The following STAT3 variants were observed in gnomAD, a reference collection of about 807,000 sequenced individuals.
STAT3 encodes the protein signal transducer and activator of transcription 3, also known as DNA-binding protein APRF.
A neutral mutation model predicts 114.3 loss-of-function variants in STAT3; 7 were observed. The observed-to-expected ratio is 0.06, with a 90% CI of 0.03 to 0.11. STAT3 has a LOEUF of 0.11. Among genes scored for constraint, STAT3 ranks in the 10% least tolerant of loss-of-function variants. The pLI is 1.00. For synonymous variants in STAT3, 331 were observed against 354.5 expected (o/e 0.93, Z 0.74); for missense variants, 364 against 960.9 (o/e 0.38, Z 8.21).
chr17:42,325,972 T>G, intron 15 of STAT3, 144 bp downstream of exon 15: 1 of 795,636 alleles, frequency 1.3e-6, no homozygotes, highest in East Asian at 2.7e-5. Context: ...GCCAAGGATT[T>G]TTTTGGAGAA....
At position 42,388,431 on chromosome 17, in the gene STAT3, C is replaced by T. The variant is rs1359138367; in HGVS notation, c.-176G>A. On this transcript the variant is annotated 5_prime_UTR_variant, in exon 1 of 24. Transcript: ENST00000264657. ...CCAGGATCCGGTTGGGGCTTGTTCC[C>T]TCGGCTGCGACGTCGGAACCCCCGG... 1.6e-6 allele frequency: 2 copies of T among 1,231,774 alleles called. No homozygotes were observed. 76.3% of individuals were successfully genotyped at this position (1,231,774 alleles called of 1,614,324 possible).
chr17:42,338,701 G>A (rs895843270), intron 6 of STAT3, 30 bp downstream of exon 6: 3 of 1,584,362 alleles, frequency 1.9e-6, no homozygotes, highest in Non-Finnish European at 1.7e-6. Context: ...TCACTTTCTA[G>A]AGATTTTAAC....
intron 4 of STAT3, among the ~76,000 whole-genome samples, chr17:42,342,837 C>T (rs1000656489): frequency 3.3e-5 from 5 of 151,932 alleles, no homozygotes; most frequent in African/African-American, 9.7e-5. Context: ...TTGTCTTCCC[C>T]GACCCAATCA....
chr17:42,348,519 T>C lies in STAT3; in HGVS notation c.-3A>G, dbSNP rs779793392. 2.8e-5 allele frequency: 45 copies of C among 1,613,400 alleles called. No individual in the cohort carries two copies. The highest frequency in any genetic ancestry group is 3.6e-5 in the Non-Finnish European group (43 of 1,179,990). On this transcript the variant is annotated 5_prime_UTR_variant, in exon 2 of 24. Coordinates refer to ENST00000264657, the MANE Select transcript of STAT3 (RefSeq NM_139276.3). ...TGTAGCTGATTCCATTGGGCCATCC[T>C]GCTAAAATCAGGGGTCCCAACTGTA...
At chr17:42,366,826 T>A (rs890706061) in intron 1 of STAT3, among the ~76,000 whole-genome samples, 1 of 151,936 alleles carries the variant, frequency 6.6e-6, no homozygotes, top group Non-Finnish European at 1.5e-5. Context: ...CCTTCTATTC[T>A]CCACATTACA....
chr17:42,327,812 C>G (rs1483810729), intron 14 of STAT3, among the ~76,000 whole-genome samples: 1 of 152,126 alleles, frequency 6.6e-6, no homozygotes, highest in South Asian at 2.1e-4. Context: ...CTTTCGGAGG[C>G]CGAGATGGGT....
chr17:42,376,520 C>T (rs2084472853), intron 1 of STAT3, among the ~76,000 whole-genome samples: 1 of 144,280 alleles, frequency 6.9e-6, no homozygotes, highest in South Asian at 2.3e-4. Context: ...GCACTCCAGC[C>T]TGGCAACAGA....
Position 42,313,944 on chromosome 17 carries a change from A to G in STAT3, c.*1801T>C, listed in dbSNP as rs965868337. ...CAGAGACCAGCTAATTTGATTTAAC[A>G]AACAGAATTCCACAGAAACTCTGAT... is the stretch of plus-strand genomic sequence containing the variant. On this transcript the variant is annotated 3_prime_UTR_variant, in exon 24 of 24. Transcript: ENST00000264657. 4 of 231,788 alleles carry G rather than the reference A, an allele frequency of 1.7e-5. No individual in the cohort carries two copies. Among genetic ancestry groups the G allele is most frequent in the Non-Finnish European group, 3.4e-5 (4 of 116,990 alleles). The allele number at this position is 231,788 out of a possible 1,614,324, so 14.4% of individuals were successfully genotyped here.
At chr17:42,344,571 T>G (rs1405155809) in intron 4 of STAT3, among the ~76,000 whole-genome samples, 1 of 150,714 alleles carries the variant, frequency 6.6e-6, no homozygotes, top group Non-Finnish European at 1.5e-5. Context: ...TACAAAAAAT[T>G]AGCCAGGCTT....
At chr17:42,320,396 A>T (rs1329608869) in intron 21 of STAT3, among the ~76,000 whole-genome samples, 1 of 152,198 alleles carries the variant, frequency 6.6e-6, no homozygotes, top group Non-Finnish European at 1.5e-5. Context: ...TTTCAACAGC[A>T]ACTAGGGCAA....
At chr17:42,382,766 C>T (rs1431221525) in intron 1 of STAT3, among the ~76,000 whole-genome samples, 2 of 152,040 alleles carry the variant, frequency 1.3e-5, no homozygotes, top group Non-Finnish European at 2.9e-5. Flanking sequence ...CCTGCCTCAG[C>T]CTCCTGAGTA....
chr17:42,357,453 C>T (rs1416070710), intron 1 of STAT3, among the ~76,000 whole-genome samples: 1 of 152,004 alleles, frequency 6.6e-6, no homozygotes, highest in Non-Finnish European at 1.5e-5. Context: ...GGGTAGGTCA[C>T]CTGAGGTCAG....
intron 14 of STAT3, among the ~76,000 whole-genome samples, chr17:42,328,816 T>TTTTG (rs1402030153): frequency 6.6e-6 from 1 of 152,208 alleles, no homozygotes; most frequent in Non-Finnish European, 1.5e-5. Flanking sequence ...ATTTACCTTT[T>TTTTG]TTTGTTTGTT....
In STAT3 at chr17:42,346,617, C is replaced by A. The variant is rs146184566; in HGVS notation, c.225G>T (p.Ser75=). The A allele has an allele frequency of 1.9e-6, 3 of 1,613,972 alleles. No homozygotes were observed. Among genetic ancestry groups the A allele is most frequent in the Non-Finnish European group, 2.5e-6 (3 of 1,180,030 alleles). ...GTAGATTGTGCTGATAGAGAACATT[C>A]GACTCTTGCAGGAAGCGGCTATACT... ...DQQYSRFLQE[S]NVLYQHNLRR... The change falls in exon 3 of 24, where the codon TCG becomes TCT. Residue 75 remains serine, a synonymous_variant. Transcript: ENST00000264657.
At chr17:42,340,145 G>C (rs1200694149) in intron 4 of STAT3, among the ~76,000 whole-genome samples, 1 of 152,030 alleles carries the variant, frequency 6.6e-6, no homozygotes, top group Non-Finnish European at 1.5e-5. Flanking sequence ...ATTACCTGAG[G>C]TCAGGAGTTT....
At chr17:42,382,438 T>C (rs2084851338) in intron 1 of STAT3, among the ~76,000 whole-genome samples, 1 of 152,188 alleles carries the variant, frequency 6.6e-6, no homozygotes, top group African/African-American at 2.4e-5. Context: ...CAGATCTGTT[T>C]GACTTCAGAG....
intron 1 of STAT3, among the ~76,000 whole-genome samples, chr17:42,369,951 G>A (rs2084015542): frequency 6.6e-6 from 1 of 151,884 alleles, no homozygotes; most frequent in Non-Finnish European, 1.5e-5. Flanking sequence ...GTAAGTCACT[G>A]CACTTTGGCC....
chr17:42,352,190 T>C (rs2082999265), intron 1 of STAT3, among the ~76,000 whole-genome samples: 1 of 151,906 alleles, frequency 6.6e-6, no homozygotes, highest in Non-Finnish European at 1.5e-5. Context: ...AATACAAAAA[T>C]TAGCCGAGCA....
At chr17:42,386,900 C>G (rs554291737) in intron 1 of STAT3, 89 of 152,206 alleles carry the variant, frequency 5.8e-4, no homozygotes, top group African/African-American at 2.0e-3. Context: ...GGCTAGCACT[C>G]CTGTCTGGAA....
Sources: gnomAD v4.1 joint callset for allele counts (sites outside exome capture counted in the v4.1 genomes callset) on GRCh38, gnomAD v4.1.1 for gene constraint, MANE v1.5 for transcripts, NCBI Gene and HGNC (gene_info 2026-07-23, HGNC 2026-07-21) for gene names.